Variants in RTN4 observed in about 807,000 individuals in gnomAD.
RTN4 encodes reticulon-4.
In RTN4, 32 loss-of-function variants were observed where a neutral mutation model predicts 90.4. The observed-to-expected ratio is 0.35, with a 90% CI of 0.27 to 0.48. The LOEUF is 0.48. Ranked by LOEUF, RTN4 falls within the 20% of genes least tolerant of loss-of-function variation. The pLI is 0.99. For synonymous variants in RTN4, 629 were observed against 552.5 expected (o/e 1.14, Z -1.94); for missense variants, 1,706 against 1,430.2 (o/e 1.19, Z -3.11).
chr2:54,986,901 G>A lies in RTN4; in HGVS notation c.3221+590C>T, dbSNP rs901362665. ...ACACGCAGAGTATGAGGTGAGGGCA[G>A]AAGACTCAAGCTGAGGTTGTGTCTC... On this transcript the variant is annotated intron_variant, in intron 4 of 8. Coordinates refer to ENST00000337526, the MANE Select transcript of RTN4 (RefSeq NM_020532.5). Among the ~76,000 whole-genome samples the A allele has an allele frequency of 7.9e-5, 12 of 152,158 alleles. No homozygotes were observed. In the South Asian group the frequency reaches 2.3e-3, roughly 29 times the overall value.
At chr2:54,988,710 AG>A (rs1208343702) in intron 3 of RTN4, among the ~76,000 whole-genome samples, 1 of 152,222 alleles carries the variant, frequency 6.6e-6, no homozygotes, top group African/African-American at 2.4e-5. Flanking sequence ...ATAAAAATTT[AG>A]GGGTCAAAGA....
intron 1 of RTN4, among the ~76,000 whole-genome samples, chr2:55,037,518 G>GTGT (rs1296120423): frequency 6.6e-6 from 1 of 151,876 alleles, no homozygotes; most frequent in Middle Eastern, 3.2e-3. Flanking sequence ...AGCCATCTCA[G>GTGT]TGTTGCTCCA....
intron 3 of RTN4, among the ~76,000 whole-genome samples, chr2:55,016,225 A>G (rs1681023668): frequency 6.6e-6 from 1 of 152,206 alleles, no homozygotes; most frequent in Non-Finnish European, 1.5e-5. Context: ...AAAGTTTTTA[A>G]AAGCTTATAA....
intron 3 of RTN4, among the ~76,000 whole-genome samples, chr2:55,022,303 T>C (rs963454004): frequency 2.0e-5 from 3 of 152,186 alleles, no homozygotes; most frequent in African/African-American, 7.2e-5. Context: ...TTCTTTCTAC[T>C]GTTCCCTCCT....
At chr2:55,082,740 G>A (rs901774576) in intron 1 of RTN4, among the ~76,000 whole-genome samples, 2 of 152,132 alleles carry the variant, frequency 1.3e-5, no homozygotes, top group African/African-American at 4.8e-5. Flanking sequence ...CTCATTTACT[G>A]AATGCCTCCT....
chr2:55,114,498 AG>A (rs1483100968), upstream of RTN4, among the ~76,000 whole-genome samples: 1 of 152,206 alleles, frequency 6.6e-6, no homozygotes, highest in Admixed American at 6.5e-5. Flanking sequence ...CAGGAGTTCG[AG>A]ACCAGCCTGG....
chr2:55,049,016 G>C (rs776863061), intron 1 of RTN4: 206 of 779,508 alleles, frequency 2.6e-4, no homozygotes, highest in Non-Finnish European at 3.0e-4. Context: ...CCCTGGCTCG[G>C]TTTAGCTGGT....
chr2:55,130,440 T>C, the RTN4 span, among the ~76,000 whole-genome samples: 7 of 152,272 alleles, frequency 4.6e-5, no homozygotes, highest in Middle Eastern at 3.4e-3. Context: ...CATTTCACAA[T>C]GTATACATAT....
rs1275511291 is a variant in RTN4 at position 55,022,814 on chromosome 2, T to C, written c.3013+2272A>G. On this transcript the variant is annotated intron_variant, in intron 3 of 8. Transcript: ENST00000337526. Reference sequence around the variant, plus strand: ...TAGCAATCTTAATCTGACTACACAGTAGGCCTTTGCCTGATGGCCTAACAC... The same window carrying C: ...TAGCAATCTTAATCTGACTACACAGCAGGCCTTTGCCTGATGGCCTAACAC... 2.0e-5 allele frequency among the ~76,000 whole-genome samples: 3 copies of C among 151,908 alleles called. No homozygotes were observed. The East Asian group carries it at 5.8e-4, about 29-fold the overall frequency.
chr2:55,072,229 T>A (rs1318963301), intron 2 of RTN4, among the ~76,000 whole-genome samples: 1 of 82,834 alleles, frequency 1.2e-5, no homozygotes, highest in Non-Finnish European at 2.5e-5. Flanking sequence ...ATATTTTCTT[T>A]TCTTTTCTTT....
At chr2:55,008,957 G>A (rs1196580502) in intron 3 of RTN4, among the ~76,000 whole-genome samples, 1 of 152,122 alleles carries the variant, frequency 6.6e-6, no homozygotes, top group Admixed American at 6.6e-5. Flanking sequence ...CACATGTAAA[G>A]AAATCCTAAA....
intron 1 of RTN4, among the ~76,000 whole-genome samples, chr2:55,092,189 TA>T (rs58296702): frequency 0.98 from 140,217 of 143,492 alleles, 68,533 homozygotes; most frequent in Middle Eastern, 0.99. Context: ...GACCATGACT[TA>T]AAAAAAAAAA....
chr2:54,982,797 C>T (rs1270781070), intron 4 of RTN4, 144 bp from the exon 5 acceptor site: 3 of 846,396 alleles, frequency 3.5e-6, no homozygotes, highest in Middle Eastern at 3.2e-4. Context: ...AATATAAAAA[C>T]TCAGCAGTAA....
At chr2:55,010,863 A>C (rs1251260011) in intron 3 of RTN4, among the ~76,000 whole-genome samples, 1 of 152,200 alleles carries the variant, frequency 6.6e-6, no homozygotes, top group Admixed American at 6.5e-5. Flanking sequence ...AGAGACTTAC[A>C]AACATACACT....
intron 3 of RTN4, among the ~76,000 whole-genome samples, chr2:55,006,502 C>T (rs1194418046): frequency 1.3e-5 from 2 of 152,088 alleles, no homozygotes; most frequent in African/African-American, 2.4e-5. Context: ...AAGTAAAGAT[C>T]AGAGAGCCCT....
intron 4 of RTN4, among the ~76,000 whole-genome samples, chr2:54,985,036 T>C (rs554568740): frequency 7.1e-4 from 108 of 152,128 alleles, no homozygotes; most frequent in Admixed American, 1.6e-3. Context: ...ATGTGTAAAA[T>C]TGGAACGGTA....
At chr2:55,136,300 G>A in the RTN4 span, among the ~76,000 whole-genome samples, 1 of 152,168 alleles carries the variant, frequency 6.6e-6, no homozygotes, top group African/African-American at 2.4e-5. Context: ...AAACACCTGT[G>A]CACACGGCCC....
At chr2:55,076,601 T>A (rs1210995501) in intron 2 of RTN4, among the ~76,000 whole-genome samples, 1 of 152,048 alleles carries the variant, frequency 6.6e-6, no homozygotes, top group Non-Finnish European at 1.5e-5. Flanking sequence ...GGTTTCACCA[T>A]GTTGGCCAGG....
At chr2:55,077,756 TACAC>T (rs200121610) in intron 2 of RTN4, among the ~76,000 whole-genome samples, 18,786 of 144,196 alleles carry the variant, frequency 0.13, 1,790 homozygotes, top group African/African-American at 0.27. Context: ...AAATGTTTTA[TACAC>T]ACACACACAC....
Sources: gnomAD v4.1 joint callset for allele counts (sites outside exome capture counted in the v4.1 genomes callset) on GRCh38, gnomAD v4.1.1 for gene constraint, MANE v1.5 for transcripts, NCBI Gene and HGNC (gene_info 2026-07-23, HGNC 2026-07-21) for gene names.